MTAP: variants seen among roughly 807,000 people sequenced by gnomAD.
MTAP encodes the protein methylthioadenosine phosphorylase.
Under a neutral mutation model 33.6 loss-of-function variants are expected in MTAP, and 33 were observed. The observed-to-expected ratio is 0.98, with a 90% CI of 0.74 to 1.31. The LOEUF is 1.31. Among genes scored for constraint, MTAP ranks in the 40% most tolerant of loss-of-function variants. The pLI, the probability that MTAP is intolerant of heterozygous loss-of-function variation, is 0.00. For missense variants in MTAP, 367 were observed against 360.0 expected, an observed-to-expected ratio of 1.02 and a Z score of -0.16; for synonymous variants, 148 against 125.7, an observed-to-expected ratio of 1.18 and a Z score of -1.19.
intron 4 of MTAP, 60 bp downstream of exon 4, chr9:21,818,262 A>T: frequency 7.1e-7 from 1 of 1,408,270 alleles, no homozygotes; most frequent in Non-Finnish European, 9.5e-7. Flanking sequence ...GCTCAAATGG[A>T]CGACGCGTGG....
chr9:21,907,777 A>G (rs1215822375), intron 1 of MTAP, among the ~76,000 whole-genome samples: 3 of 152,144 alleles, frequency 2.0e-5, no homozygotes, highest in Non-Finnish European at 4.4e-5. Context: ...CTTACCACCC[A>G]GAGAAAATAT....
intron 1 of MTAP, among the ~76,000 whole-genome samples, chr9:21,915,044 C>T (rs1422845488): frequency 1.4e-4 from 15 of 104,076 alleles, no homozygotes; most frequent in African/African-American, 6.2e-4. Flanking sequence ...TCCTTCCTTC[C>T]TTCCTTCCTT....
In MTAP at chr9:21,802,680, G is replaced by T. The variant is rs1008611847; in HGVS notation, c.-69G>T. Reference sequence around the variant, plus strand: ...GCGCAGTGAGGTTGGCACAGCCACCGCTCTGTGGCTCGCTTGGTTCCCTTA... The same window carrying T: ...GCGCAGTGAGGTTGGCACAGCCACCTCTCTGTGGCTCGCTTGGTTCCCTTA... On this transcript the variant is annotated 5_prime_UTR_variant, in exon 1 of 8. Coordinates refer to ENST00000644715, the MANE Select transcript of MTAP (RefSeq NM_002451.4). The T allele has an allele frequency of 6.4e-7, 1 of 1,563,968 alleles. No individual in the cohort carries two copies. Among genetic ancestry groups the T allele is most frequent in the Non-Finnish European group, 8.7e-7 (1 of 1,152,098 alleles).
At chr9:21,855,334 C>T (rs747687224) in intron 6 of MTAP, among the ~76,000 whole-genome samples, 5 of 152,064 alleles carry the variant, frequency 3.3e-5, no homozygotes, top group Non-Finnish European at 7.4e-5. Flanking sequence ...CTTAAGGAGC[C>T]GACATTCTGT....
rs1825825808 is a variant in MTAP at position 21,864,856 on chromosome 9, C to G, written c.*2842C>G. 9.1e-6 allele frequency: 9 copies of G among 985,502 alleles called. No individual in the cohort carries two copies. Among genetic ancestry groups the G allele is most frequent in the Non-Finnish European group, 1.1e-5 (9 of 829,960 alleles). The allele number at this position is 985,502 out of a possible 1,614,324, so 61.0% of individuals were successfully genotyped here. On this transcript the variant is annotated 3_prime_UTR_variant, in exon 8 of 8. Coordinates refer to ENST00000644715, the MANE Select transcript of MTAP (RefSeq NM_002451.4). ...GATGCTCCTGGAGCCTCTTCTCTGG[C>G]TGCTACCTCAGGGCATGGTTGTGGC... is the stretch of plus-strand genomic sequence containing the variant.
intron 1 of MTAP, among the ~76,000 whole-genome samples, chr9:21,882,087 G>A (rs1325321606): frequency 1.3e-5 from 2 of 151,868 alleles, no homozygotes; most frequent in South Asian, 4.2e-4. Context: ...GCATGCAAAT[G>A]TAGTACAAAA....
chr9:21,872,669 A>C (rs189663883), intron 1 of MTAP, among the ~76,000 whole-genome samples: 1 of 152,258 alleles, frequency 6.6e-6, no homozygotes, highest in Non-Finnish European at 1.5e-5. Flanking sequence ...GAAAAAAGCA[A>C]ATTGCATTAT....
rs138358164 is a variant in MTAP at position 21,899,425 on chromosome 9, G to C, written c.148-31583G>C. Among the ~76,000 whole-genome samples the C allele has an allele frequency of 2.0e-3, 304 of 151,020 alleles. 3 individuals are homozygous for C. Among genetic ancestry groups the C allele is most frequent in the African/African-American group, 7.2e-3 (294 of 41,086 alleles). ...AGAAGGGGAAGGGGAAGGGGAAGGA[G>C]GGGAGGGAAGGAAGGAAAGGAAAGG... On this transcript the variant is annotated intron_variant, in intron 1 of 1. Transcript: ENST00000577563.
chr9:21,868,422 A>G (rs896348533), downstream of MTAP, among the ~76,000 whole-genome samples: 10 of 152,194 alleles, frequency 6.6e-5, no homozygotes, highest in African/African-American at 2.2e-4. Flanking sequence ...TGGGTTAAGT[A>G]TATCTAACTA....
At chr9:21,838,048 A>G (rs768330721) in intron 5 of MTAP, 38 bp downstream of exon 5, 3 of 1,567,800 alleles carry the variant, frequency 1.9e-6, no homozygotes, top group African/African-American at 1.4e-5. Flanking sequence ...AGAATAAATC[A>G]TGTGGGCTTG....
chr9:21,841,974 G>A (rs1206149508), intron 5 of MTAP, among the ~76,000 whole-genome samples: 1 of 152,152 alleles, frequency 6.6e-6, no homozygotes, highest in Non-Finnish European at 1.5e-5. Flanking sequence ...TGGTTATTAA[G>A]CTACTCAAGG....
intron 1 of MTAP, among the ~76,000 whole-genome samples, chr9:21,814,396 A>T (rs997210583): frequency 6.6e-6 from 1 of 152,132 alleles, no homozygotes; most frequent in African/African-American, 2.4e-5. Flanking sequence ...GTGACAATAG[A>T]TTTAAAGCTT....
downstream of MTAP, chr9:21,932,050 T>C (rs1018872083): frequency 6.6e-6 from 1 of 151,624 alleles, no homozygotes; most frequent in Non-Finnish European, 1.5e-5. Flanking sequence ...AAAAAGACTT[T>C]TTACAAAAGG....
rs1824529723 is a variant in MTAP at position 21,818,080 on chromosome 9, G to A, written c.225G>A (p.Gln75=). Residue 75 remains glutamine (Q), a synonymous_variant, in exon 4 of 8, where the codon CAG becomes CAA. Coordinates refer to ENST00000644715, the MANE Select transcript of MTAP (RefSeq NM_002451.4). The stretch of plus-strand genomic sequence containing the variant: ...TCATGCCTTCAAAGGTCAACTACCA[G>A]GCGAACATCTGGGCTTTGAAGGAAG... ...HTIMPSKVNY[Q]ANIWALKEEG... is the part of the protein sequence containing the mutation. 8 of 1,613,484 alleles carry A rather than the reference G, an allele frequency of 5.0e-6. No homozygotes were observed. Among genetic ancestry groups the A allele is most frequent in the Non-Finnish European group, 6.8e-6 (8 of 1,179,864 alleles).
chr9:21,849,452 A>C (rs1042547956), intron 5 of MTAP, among the ~76,000 whole-genome samples: 1 of 152,156 alleles, frequency 6.6e-6, no homozygotes, highest in Non-Finnish European at 1.5e-5. Context: ...AGTGGGTCTT[A>C]TGGGTGCCTG....
chr9:21,851,369 A>G (rs1280466413), intron 5 of MTAP, among the ~76,000 whole-genome samples: 1 of 152,236 alleles, frequency 6.6e-6, no homozygotes, highest in East Asian at 1.9e-4. Flanking sequence ...GTGCATATAT[A>G]CAGTTGTACT....
chr9:21,927,045 C>T (rs1331057111), intron 1 of MTAP, among the ~76,000 whole-genome samples: 2 of 152,122 alleles, frequency 1.3e-5, no homozygotes, highest in African/African-American at 4.8e-5. Context: ...TCATCAGGAC[C>T]CACTTCTCTG....
chr9:21,850,579 C>G (rs1489410280), intron 5 of MTAP, among the ~76,000 whole-genome samples: 1 of 152,210 alleles, frequency 6.6e-6, no homozygotes, highest in African/African-American at 2.4e-5. Context: ...GAGCCTTTGG[C>G]AGGCCCCCAT....
downstream of MTAP, chr9:21,932,046 A>T (rs1364918568): frequency 6.6e-6 from 1 of 152,158 alleles, no homozygotes; most frequent in Non-Finnish European, 1.5e-5. Flanking sequence ...TTTTAAAAAG[A>T]CTTTTTACAA....
Sources: allele counts gnomAD v4.1 joint callset (sites outside exome capture counted in the v4.1 genomes callset), GRCh38; gene constraint gnomAD v4.1.1; transcripts MANE v1.5; gene names NCBI Gene and HGNC (gene_info 2026-07-23, HGNC 2026-07-21).